Variants in CNGB3 observed in about 807,000 individuals in gnomAD.
CNGB3 encodes the protein cyclic nucleotide-gated channel beta-3.
Under a neutral mutation model 92.8 loss-of-function variants are expected in CNGB3, and 86 were observed. The ratio of observed to expected loss-of-function variants is 0.93; its 90% confidence interval spans 0.78 to 1.11. CNGB3 has a LOEUF of 1.11. CNGB3 is among the 50% of genes least tolerant of loss of function. The probability of loss-of-function intolerance (pLI) is 0.00; values close to 1 mark genes in which losing one functional copy is unlikely to be tolerated. For missense variants in CNGB3, 1,026 were observed against 956.8 expected, an observed-to-expected ratio of 1.07 and a Z score of -0.95; for synonymous variants, 333 against 332.7, an observed-to-expected ratio of 1.00 and a Z score of -0.01.
chr8:86,664,828 T>C (rs1490442805), intron 6 of CNGB3, among the ~76,000 whole-genome samples: 1 of 152,080 alleles, frequency 6.6e-6, no homozygotes, highest in Non-Finnish European at 1.5e-5. Flanking sequence ...TTTGCCCATA[T>C]CTGTGAGGGG....
intron 14 of CNGB3, among the ~76,000 whole-genome samples, chr8:86,606,146 G>GTTTTTTT (rs34987710): frequency 1.2e-4 from 11 of 91,976 alleles, no homozygotes; most frequent in African/African-American, 4.0e-4. Flanking sequence ...TTTGGGGTTG[G>GTTTTTTT]TTTTTTTTTT....
chr8:86,690,602 C>T (rs1824292489), intron 3 of CNGB3, among the ~76,000 whole-genome samples: 1 of 152,132 alleles, frequency 6.6e-6, no homozygotes, highest in Non-Finnish European at 1.5e-5. Context: ...GTTGCCATTG[C>T]TTTTGGTGTC....
intron 11 of CNGB3, among the ~76,000 whole-genome samples, chr8:86,630,834 A>G (rs562427010): frequency 6.6e-6 from 1 of 152,314 alleles, no homozygotes; most frequent in East Asian, 1.9e-4. Context: ...TGATTAAGCC[A>G]CTACACCCTA....
chr8:86,623,340 G>A (rs556948799), intron 13 of CNGB3, among the ~76,000 whole-genome samples: 1 of 152,186 alleles, frequency 6.6e-6, no homozygotes, highest in South Asian at 2.1e-4. Context: ...CCACAGACTG[G>A]GTAATTTATA....
At chr8:86,598,525 C>T (rs1160017255) in intron 15 of CNGB3, among the ~76,000 whole-genome samples, 1 of 152,186 alleles carries the variant, frequency 6.6e-6, no homozygotes, top group Non-Finnish European at 1.5e-5. Context: ...CACAAAACAA[C>T]TGACCTACAA....
At chr8:86,726,688 A>C (rs747224888) in intron 2 of CNGB3, 31 bp from the exon 3 acceptor site, 1 of 1,612,398 alleles carries the variant, frequency 6.2e-7, no homozygotes, top group Admixed American at 1.7e-5. Flanking sequence ...TAGATAGAAG[A>C]ATGTACAACA....
At chr8:86,725,968 C>G (rs577796749) in intron 3 of CNGB3, among the ~76,000 whole-genome samples, 171 of 152,150 alleles carry the variant, frequency 1.1e-3, no homozygotes, top group African/African-American at 4.0e-3. Context: ...TTTACTGGTT[C>G]ACATTTAAAT....
chr8:86,688,970 G>A (rs932617686), intron 3 of CNGB3, among the ~76,000 whole-genome samples: 6 of 151,306 alleles, frequency 4.0e-5, no homozygotes, highest in African/African-American at 1.2e-4. Flanking sequence ...CATAGGCCAC[G>A]GGTCTTGGTA....
intron 13 of CNGB3, among the ~76,000 whole-genome samples, chr8:86,624,979 G>A (rs902500397): frequency 6.6e-6 from 1 of 152,026 alleles, no homozygotes; most frequent in Non-Finnish European, 1.5e-5. Flanking sequence ...CACCTGCCTT[G>A]GTCCTGCTCC....
chr8:86,605,152 T>C (rs1463293778), intron 14 of CNGB3, among the ~76,000 whole-genome samples: 2 of 152,210 alleles, frequency 1.3e-5, no homozygotes, highest in African/African-American at 4.8e-5. Context: ...ATGTATATCT[T>C]TTTCTTGCTA....
chr8:86,593,709 G>A, intron 15 of CNGB3: 1 of 815,930 alleles, frequency 1.2e-6, no homozygotes, highest in Admixed American at 2.0e-5. Context: ...CTGAGGGCCA[G>A]GCCTGTCGTC....
intron 3 of CNGB3, among the ~76,000 whole-genome samples, chr8:86,674,853 A>G (rs548816969): frequency 6.6e-6 from 1 of 151,918 alleles, no homozygotes; most frequent in African/African-American, 2.4e-5. Flanking sequence ...CCCTGGGCTC[A>G]AGCCATCCTC....
chr8:86,640,201 C>T (rs1464402300), intron 10 of CNGB3, among the ~76,000 whole-genome samples: 1 of 151,916 alleles, frequency 6.6e-6, no homozygotes, highest in African/African-American at 2.4e-5. Context: ...TCAATTTTTG[C>T]TTTATGGTTT....
chr8:86,685,612 T>A (rs1410319786), intron 3 of CNGB3, among the ~76,000 whole-genome samples: 1 of 152,146 alleles, frequency 6.6e-6, no homozygotes, highest in Non-Finnish European at 1.5e-5. Flanking sequence ...CAAAACTCAG[T>A]GGCTTTATTA....
chr8:86,695,322 G>A (rs2131642548), intron 3 of CNGB3, among the ~76,000 whole-genome samples: 1 of 149,528 alleles, frequency 6.7e-6, no homozygotes, highest in South Asian at 2.1e-4. Context: ...GGGAGGGGGA[G>A]AGGGAGAGGG....
chr8:86,693,471 T>C (rs1215247244), intron 3 of CNGB3, among the ~76,000 whole-genome samples: 15 of 146,790 alleles, frequency 1.0e-4, no homozygotes, highest in African/African-American at 1.2e-4. Context: ...TTTTATTGAT[T>C]ATTCTTGGGT....
chr8:86,617,814 A>G (rs1288316365), intron 13 of CNGB3, among the ~76,000 whole-genome samples: 3 of 152,068 alleles, frequency 2.0e-5, no homozygotes, highest in East Asian at 3.9e-4. Context: ...GGCACCAGGG[A>G]CCAGTTTTGT....
intron 3 of CNGB3, among the ~76,000 whole-genome samples, chr8:86,697,597 A>T (rs7817220): frequency 0.58 from 88,499 of 151,938 alleles, 26,535 homozygotes; most frequent in South Asian, 0.74. Flanking sequence ...CTTTAAAAAA[A>T]TTTTAGCAAA....
chr8:86,715,563 A>T (rs952832353), intron 3 of CNGB3, among the ~76,000 whole-genome samples: 1 of 152,152 alleles, frequency 6.6e-6, no homozygotes, highest in South Asian at 2.1e-4. Flanking sequence ...TGGATCCCAG[A>T]TCTTCCCTCT....
Sources: gnomAD v4.1 joint callset for allele counts (sites outside exome capture counted in the v4.1 genomes callset) on GRCh38, gnomAD v4.1.1 for gene constraint, MANE v1.5 for transcripts, NCBI Gene and HGNC (gene_info 2026-07-23, HGNC 2026-07-21) for gene names.